SENP7: variants seen among roughly 807,000 people sequenced by gnomAD.
SENP7 encodes the protein SUMO specific peptidase 7.
In SENP7, 64 loss-of-function variants were observed where a neutral mutation model predicts 141.2. That is an observed-to-expected ratio of 0.45 (90% CI 0.37 to 0.56). The LOEUF (loss-of-function observed/expected upper bound fraction) is 0.56. Ranked by LOEUF, SENP7 falls within the 20% of genes least tolerant of loss-of-function variation. The pLI is 0.00. For missense variants in SENP7, 1,025 were observed against 1,212.2 expected, an observed-to-expected ratio of 0.85 and a Z score of 2.29; for synonymous variants, 382 against 426.4, an observed-to-expected ratio of 0.90 and a Z score of 1.28.
chr3:101,483,912 C>A (rs1259764578), intron 3 of SENP7, among the ~76,000 whole-genome samples: 1 of 152,072 alleles, frequency 6.6e-6, no homozygotes, highest in Admixed American at 6.5e-5. Flanking sequence ...CCTGTAATCC[C>A]AGCTACTCAG....
At position 101,327,675 on chromosome 3, in the gene SENP7, G is replaced by C. The variant is rs1189821934; in HGVS notation, c.3006C>G (p.Ser1002Arg). The C allele has an allele frequency of 6.3e-7, 1 of 1,597,108 alleles. No individual in the cohort carries two copies. Residue 1002 changes from serine to arginine, a missense_variant, in exon 23 of 24, where the codon AGC becomes AGG. This residue lies in a region of SENP7 where 295 missense variants were observed against 459.1 expected (regional missense o/e 0.64). Transcript: ENST00000394095. ...TTATAGCTTCACATACCTTGAAGAA[G>C]CTTTCCACATACTGCAATAAATATA... Reference protein sequence around the residue: ...CGVYLLQYVESFFKDPIVNFE... With the variant: ...CGVYLLQYVERFFKDPIVNFE...
intron 4 of SENP7, chr3:101,457,596 T>C (rs545986618): frequency 8.0e-5 from 127 of 1,583,238 alleles, no homozygotes; most frequent in Non-Finnish European, 1.1e-4. Context: ...TAAGGAGAAC[T>C]GAAGTTTTTT....
intron 6 of SENP7, among the ~76,000 whole-genome samples, chr3:101,373,566 CAAAAT>C (rs2060237823): frequency 6.6e-6 from 1 of 151,890 alleles, no homozygotes; most frequent in Non-Finnish European, 1.5e-5. Flanking sequence ...CACTGAAAAA[CAAAAT>C]AAGATTTCAC....
At chr3:101,499,063 T>G (rs1315289756) in intron 2 of SENP7, among the ~76,000 whole-genome samples, 1 of 152,152 alleles carries the variant, frequency 6.6e-6, no homozygotes, top group South Asian at 2.1e-4. Flanking sequence ...TTATATAAGA[T>G]AACATTAGGA....
intron 10 of SENP7, chr3:101,363,150 G>T: frequency 1.1e-6 from 1 of 937,554 alleles, no homozygotes; most frequent in Non-Finnish European, 1.3e-6. Context: ...GAATTTCTTT[G>T]TCATTCTCAT....
At chr3:101,351,563 A>C in intron 12 of SENP7, 55 bp downstream of exon 12, 1 of 1,257,392 alleles carries the variant, frequency 8.0e-7, no homozygotes, top group Non-Finnish European at 1.1e-6. Flanking sequence ...TTTTACTTAA[A>C]TTTATACTAA....
chr3:101,340,752 C>T (rs1029144015), intron 15 of SENP7, among the ~76,000 whole-genome samples: 4 of 152,130 alleles, frequency 2.6e-5, no homozygotes, highest in African/African-American at 9.7e-5. Context: ...GTGCCTGCCA[C>T]ATAAAACTTA....
At chr3:101,358,071 T>C in intron 11 of SENP7, 2 of 617,684 alleles carry the variant, frequency 3.2e-6, no homozygotes, top group Non-Finnish European at 5.2e-6. Context: ...AAACATGAGA[T>C]AATTCATAGA....
chr3:101,459,658 T>G (rs561660747), intron 3 of SENP7, among the ~76,000 whole-genome samples: 1 of 152,354 alleles, frequency 6.6e-6, no homozygotes, highest in African/African-American at 2.4e-5. Context: ...ATTACATCTG[T>G]ATTAAGTTTT....
Position 101,361,697 on chromosome 3 carries a change from TAAAGA to T in SENP7, c.1623+13_1623+17del. On this transcript the variant is annotated intron_variant, in intron 11 of 23. Coordinates refer to ENST00000394095, the MANE Select transcript of SENP7 (RefSeq NM_020654.5). The stretch of plus-strand genomic sequence containing the variant: ...TCCAAGATCCAAACTAAAAGAAAAT[TAAAGA>T]AAATATACTTACTGTAACACAACCT... The T allele has an allele frequency of 6.6e-7, 1 of 1,515,688 alleles. No individual in the cohort carries two copies. The highest frequency in any genetic ancestry group is 8.8e-7 in the Non-Finnish European group (1 of 1,139,070). The allele number at this position is 1,515,688 out of a possible 1,614,324, so 93.9% of individuals were successfully genotyped here.
At chr3:101,452,462 C>T (rs1335009456) in intron 4 of SENP7, among the ~76,000 whole-genome samples, 6 of 152,180 alleles carry the variant, frequency 3.9e-5, no homozygotes, top group Non-Finnish European at 8.8e-5. Context: ...TGACTTCAAA[C>T]TATACTACAA....
chr3:101,477,850 C>CAA (rs201860020), intron 3 of SENP7, among the ~76,000 whole-genome samples: 1 of 109,184 alleles, frequency 9.2e-6, no homozygotes, highest in African/African-American at 3.5e-5. Flanking sequence ...GTCTCCATCT[C>CAA]AAAAAAAAAA....
At chr3:101,425,265 T>C (rs999202912) in intron 4 of SENP7, among the ~76,000 whole-genome samples, 1 of 151,926 alleles carries the variant, frequency 6.6e-6, no homozygotes, top group African/African-American at 2.4e-5. Flanking sequence ...CATTGGAGAG[T>C]AGTGACCAGC....
At chr3:101,386,598 T>C (rs2060658724) in intron 6 of SENP7, among the ~76,000 whole-genome samples, 1 of 152,138 alleles carries the variant, frequency 6.6e-6, no homozygotes, top group Non-Finnish European at 1.5e-5. Flanking sequence ...CCTAGAAGGC[T>C]GCAGCATTGC....
At chr3:101,474,543 T>C (rs1288187404) in intron 3 of SENP7, among the ~76,000 whole-genome samples, 1 of 152,186 alleles carries the variant, frequency 6.6e-6, no homozygotes, top group African/African-American at 2.4e-5. Context: ...TGCTGAGACT[T>C]TGCTGAAGTT....
intron 3 of SENP7, among the ~76,000 whole-genome samples, chr3:101,472,593 A>C (rs2064047346): frequency 6.6e-6 from 1 of 152,182 alleles, no homozygotes; most frequent in African/African-American, 2.4e-5. Flanking sequence ...TGGCACATGT[A>C]TACCTATGTA....
intron 4 of SENP7, among the ~76,000 whole-genome samples, chr3:101,419,741 G>A (rs1036914943): frequency 6.6e-6 from 1 of 152,110 alleles, no homozygotes; most frequent in African/African-American, 2.4e-5. Flanking sequence ...GACACAGAAG[G>A]CAGGATAATT....
intron 4 of SENP7, among the ~76,000 whole-genome samples, chr3:101,418,840 A>T (rs1049549455): frequency 4.6e-5 from 7 of 152,156 alleles, no homozygotes; most frequent in Non-Finnish European, 1.0e-4. Context: ...ATTAGTTTTA[A>T]AATTATTAAA....
chr3:101,407,391 C>G (rs529690099), intron 5 of SENP7, among the ~76,000 whole-genome samples: 2 of 152,196 alleles, frequency 1.3e-5, no homozygotes, highest in Non-Finnish European at 2.9e-5. Context: ...GACAGAAAGT[C>G]AACAAAGAAA....
Sources: gnomAD v4.1 joint callset for allele counts (sites outside exome capture counted in the v4.1 genomes callset) on GRCh38, gnomAD v4.1.1 for gene constraint, gnomAD v4.1.1 regional missense constraint, MANE v1.5 for transcripts, NCBI Gene and HGNC (gene_info 2026-07-23, HGNC 2026-07-21) for gene names.